ZNF549: variants seen among roughly 807,000 people sequenced by gnomAD.
ZNF549 encodes the protein zinc finger protein 549.
Under a neutral mutation model 11.1 loss-of-function variants are expected in ZNF549, and 11 were observed. That is an observed-to-expected ratio of 0.99 (90% CI 0.62 to 1.64). The LOEUF (loss-of-function observed/expected upper bound fraction) is 1.64, where lower values mean the gene tolerates loss of function less well. Ranked by LOEUF, ZNF549 falls within the 40% of genes most tolerant of loss-of-function variation. ZNF549 has a pLI of 0.00. For synonymous variants in ZNF549, 266 were observed against 269.1 expected (o/e 0.99, Z 0.11); for missense variants, 748 against 765.1 (o/e 0.98, Z 0.26).
At position 57,527,589 on chromosome 19, in the gene ZNF549, C is replaced by G; in HGVS notation, c.16C>G (p.Leu6Val). The G allele has an allele frequency of 6.2e-7, 1 of 1,613,810 alleles. No individual in the cohort carries two copies. Among genetic ancestry groups the G allele is most frequent in the South Asian group, 1.1e-5 (1 of 91,080 alleles). ...CTAAAGTCCCATGGCCGAGGCAGCGCTAGTGATTACGCCGCAGGTGAGAGC... is the reference window on the plus strand; with the variant it reads ...CTAAAGTCCCATGGCCGAGGCAGCGGTAGTGATTACGCCGCAGGTGAGAGC... The part of the protein sequence containing the change: MAEAA[L>V]VITPQIPMVT... Residue 6 changes from leucine (L) to valine (V), a missense_variant, in exon 1 of 4, where the codon CTA becomes GTA. Transcript: ENST00000376233.
rs376810192 is a variant in ZNF549 at position 57,529,901 on chromosome 19, AAAAT to A, written c.34-1145_34-1142del. On this transcript the variant is annotated intron_variant, in intron 1 of 3. Coordinates refer to ENST00000376233, the MANE Select transcript of ZNF549 (RefSeq NM_001199295.2). ...GCTCCGTCTCCAAAAATAAATAAAT[AAAAT>A]AAATAAATAAATAAATAAATAAAGG... Among the ~76,000 whole-genome samples, 654 of 151,914 alleles carry A rather than the reference AAAAT, an allele frequency of 4.3e-3. 5 individuals are homozygous for A. The highest frequency in any genetic ancestry group is 6.8e-3 in the Middle Eastern group (2 of 294).
At position 57,539,219 on chromosome 19, in the gene ZNF549, TATA is replaced by T. The variant is rs954376600; in HGVS notation, c.*297_*299del. The stretch of plus-strand genomic sequence containing the variant: ...GCTTACCAAATTCTGAAGGGAATAA[TATA>T]ATAAAAGCCTGTTGAGGGTCCTCTT... On this transcript the variant is annotated 3_prime_UTR_variant, in exon 4 of 4. Coordinates refer to ENST00000376233, the MANE Select transcript of ZNF549 (RefSeq NM_001199295.2). 3.2e-6 allele frequency: 1 copy of T among 309,416 alleles called. No homozygotes were observed. The highest frequency in any genetic ancestry group is 6.0e-6 in the Non-Finnish European group (1 of 166,292). The allele number at this position is 309,416 out of a possible 1,614,324, so 19.2% of individuals were successfully genotyped here.
Position 57,535,268 on chromosome 19 carries a change from TA to T in ZNF549, c.198del (p.Gly67ValfsTer6), listed in dbSNP as rs778310097. ...GAGAACTTTTCGCTTATGGCCTCAG[TA>T]GGTAAGATCTCTTAAAACCACACCA... Reference protein sequence around the residue: ...MLENFSLMASVGCLHGIEAEE... With the variant: ...MLENFSLMASXGCLHGIEAEE... On this transcript the variant is annotated frameshift_variant and splice_region_variant, in exon 3 of 4. Transcript: ENST00000376233. LOFTEE classifies it low-confidence loss of function (END_TRUNC). 8.1e-6 allele frequency: 13 copies of T among 1,613,728 alleles called. No homozygotes were observed. Among genetic ancestry groups the T allele is most frequent in the Non-Finnish European group, 1.1e-5 (13 of 1,179,702 alleles).
rs752950042 is a variant in ZNF549 at position 57,538,710 on chromosome 19, G to A, written c.1706G>A (p.Arg569His). Residue 569 changes from arginine to histidine, a missense_variant, in exon 4 of 4, where the codon CGC becomes CAC. By Grantham distance (29) the Arg-to-His change is conservative (BLOSUM62 0). Transcript: ENST00000376233. Reference protein sequence around the residue: ...CSECGKCFRHRTSLIQHQKVH... With the variant: ...CSECGKCFRHHTSLIQHQKVH... ...GAATGTGGGAAATGCTTTAGACACCGCACCAGCCTCATTCAACACCAGAAA... is the reference window on the plus strand; with the variant it reads ...GAATGTGGGAAATGCTTTAGACACCACACCAGCCTCATTCAACACCAGAAA... 41 of 1,613,984 alleles carry A rather than the reference G, an allele frequency of 2.5e-5. No individual in the cohort carries two copies. The highest frequency in any genetic ancestry group is 6.7e-5 in the East Asian group (3 of 44,880).
chr19:57,527,578 C>G lies in ZNF549; in HGVS notation c.5C>G (p.Ala2Gly). Residue 2 changes from alanine (A) to glycine (G), a missense_variant, in exon 1 of 4, where the codon GCC becomes GGC. Coordinates refer to ENST00000376233, the MANE Select transcript of ZNF549 (RefSeq NM_001199295.2). M[A>G]EAALVITPQI... ...CCCCGCCCCGCCTAAAGTCCCATGG[C>G]CGAGGCAGCGCTAGTGATTACGCCG... is the stretch of plus-strand genomic sequence containing the variant. 1 of 1,613,760 alleles carries G rather than the reference C, an allele frequency of 6.2e-7. No homozygotes were observed.
intron 1 of ZNF549, among the ~76,000 whole-genome samples, chr19:57,529,701 A>G (rs147537993): frequency 0.016 from 2,478 of 152,210 alleles, 74 homozygotes; most frequent in African/African-American, 0.056. Context: ...CCTGGCTAAC[A>G]TGGTGAAACC....
intron 1 of ZNF549, among the ~76,000 whole-genome samples, chr19:57,529,461 TAAAA>T (rs1036015023): frequency 6.6e-6 from 1 of 152,150 alleles, no homozygotes; most frequent in East Asian, 1.9e-4. Context: ...GTTGAGACAA[TAAAA>T]AAGCAAAAGT....
Position 57,537,287 on chromosome 19 carries a change from A to G in ZNF549, c.283A>G (p.Lys95Glu). The change falls in exon 4 of 4, where the codon AAG (lysine) becomes GAG (glutamate). Residue 95 changes from lysine (K) to glutamate (E), a missense_variant. Physicochemically the swap from Lys to Glu is moderately conservative, Grantham distance 56 (BLOSUM62 1). Transcript: ENST00000376233. ...AQGVSQARTP[K>E]LGPSIPNAHS... ...AGGAGTGTCACAGGCCAGGACTCCA[A>G]AGCTAGGTCCTTCCATCCCAAATGC... is the stretch of plus-strand genomic sequence containing the variant. The G allele has an allele frequency of 1.2e-6, 2 of 1,614,194 alleles. No homozygotes were observed. The highest frequency in any genetic ancestry group is 1.7e-6 in the Non-Finnish European group (2 of 1,180,032).
rs1468606852 is a variant in ZNF549 at position 57,539,597 on chromosome 19, A to G, written c.*670A>G. ...AGAGCAGAGCTGTGTGGTCCTAATC[A>G]TGGTGTCGATGCCAGATTTATTTGT... is the stretch of plus-strand genomic sequence containing the variant. On this transcript the variant is annotated 3_prime_UTR_variant, in exon 4 of 4. Coordinates refer to ENST00000376233, the MANE Select transcript of ZNF549 (RefSeq NM_001199295.2). 1 of 152,204 alleles carries G rather than the reference A, an allele frequency of 6.6e-6. No homozygotes were observed. The highest frequency in any genetic ancestry group is 1.5e-5 in the Non-Finnish European group (1 of 68,046). The allele number at this position is 152,204 out of a possible 1,614,324, so 9.4% of individuals were successfully genotyped here. A position where few individuals can be genotyped will look rare whatever the true frequency, so the allele number is the denominator to read the frequency against.
intron 3 of ZNF549, among the ~76,000 whole-genome samples, chr19:57,535,896 G>A (rs886645391): frequency 6.6e-6 from 1 of 152,090 alleles, no homozygotes; most frequent in Non-Finnish European, 1.5e-5. Context: ...CCACAGCAAG[G>A]GGGGTTAACA....
Position 57,537,704 on chromosome 19 carries a change from G to A in ZNF549, c.700G>A (p.Val234Ile), listed in dbSNP as rs533565199. Residue 234 changes from valine to isoleucine, a missense_variant, in exon 4 of 4, where the codon GTT (valine) becomes ATT (isoleucine). Physicochemically the swap from Val to Ile is conservative, Grantham distance 29. Coordinates refer to ENST00000376233, the MANE Select transcript of ZNF549 (RefSeq NM_001199295.2). ...CEQVFNEKVH[V>I]TEHQRVHTGE... ...GCAAGTTTTCAATGAGAAAGTTCAT[G>A]TTACTGAGCATCAGAGAGTCCACAC... 70 of 1,614,146 alleles carry A rather than the reference G, an allele frequency of 4.3e-5. No individual in the cohort carries two copies. The South Asian group carries it at 6.3e-4, about 14-fold the overall frequency.
At chr19:57,529,778 C>T (rs1037251480) in intron 1 of ZNF549, among the ~76,000 whole-genome samples, 1 of 151,962 alleles carries the variant, frequency 6.6e-6, no homozygotes, top group African/African-American at 2.4e-5. Context: ...CCCAGCTACT[C>T]CGGAGGCTGA....
At chr19:57,529,749 G>A (rs1442517212) in intron 1 of ZNF549, among the ~76,000 whole-genome samples, 1 of 152,094 alleles carries the variant, frequency 6.6e-6, no homozygotes, top group Non-Finnish European at 1.5e-5. Context: ...AGCCAGGTGT[G>A]GTAGTGGGCG....
chr19:57,532,765 T>C (rs1415311816), intron 2 of ZNF549, among the ~76,000 whole-genome samples: 2 of 152,188 alleles, frequency 1.3e-5, no homozygotes, highest in African/African-American at 4.8e-5. Flanking sequence ...ATGGTGTTGT[T>C]GAATTCAGTT....
Position 57,538,807 on chromosome 19 carries a change from T to C in ZNF549, c.1803T>C (p.Val601=), listed in dbSNP as rs1413928578. 4 of 1,614,046 alleles carry C rather than the reference T, an allele frequency of 2.5e-6. No homozygotes were observed. Among genetic ancestry groups the C allele is most frequent in the Admixed American group, 1.7e-5 (1 of 60,006 alleles). ...EKAFIYKNKL[V]EHQRIHTGEK... is the part of the protein sequence containing the mutation. Reference sequence around the variant, plus strand: ...CCTTTATCTATAAAAACAAACTTGTTGAGCATCAGCGAATCCACACCGGAG... The same window carrying C: ...CCTTTATCTATAAAAACAAACTTGTCGAGCATCAGCGAATCCACACCGGAG... The change falls in exon 4 of 4, where the codon GTT becomes GTC. Residue 601 remains valine, a synonymous_variant. Coordinates refer to ENST00000376233, the MANE Select transcript of ZNF549 (RefSeq NM_001199295.2).
chr19:57,538,501 G>T lies in ZNF549; in HGVS notation c.1497G>T (p.Arg499Ser). The T allele has an allele frequency of 6.2e-7, 1 of 1,614,172 alleles. No homozygotes were observed. ...LKHHKIHTRE[R>S]PYECSECGKG... ...ATCACAAAATCCACACTAGAGAAAGGCCTTATGAATGCAGTGAATGTGGAA... is the reference window on the plus strand; with the variant it reads ...ATCACAAAATCCACACTAGAGAAAGTCCTTATGAATGCAGTGAATGTGGAA... The change falls in exon 4 of 4, where the codon AGG becomes AGT. Residue 499 changes from arginine to serine, a missense_variant. Arg to Ser is a moderately radical substitution (Grantham distance 110). Coordinates refer to ENST00000376233, the MANE Select transcript of ZNF549 (RefSeq NM_001199295.2).
At chr19:57,531,929 A>T (rs1329001334) in intron 2 of ZNF549, among the ~76,000 whole-genome samples, 1 of 152,216 alleles carries the variant, frequency 6.6e-6, no homozygotes, top group Non-Finnish European at 1.5e-5. Flanking sequence ...ATGGAAAACA[A>T]AATTGTGGCT....
At chr19:57,527,939 C>T (rs1045226619) in intron 1 of ZNF549, among the ~76,000 whole-genome samples, 4 of 152,044 alleles carry the variant, frequency 2.6e-5, no homozygotes, top group Non-Finnish European at 5.9e-5. Context: ...TCTTTGGGAG[C>T]CATGGAGGGT....
intron 1 of ZNF549, 85 bp from the exon 2 acceptor site, chr19:57,530,985 A>T: frequency 7.7e-7 from 1 of 1,290,962 alleles, no homozygotes; most frequent in Non-Finnish European, 1.1e-6. Context: ...GTCTTTGTCT[A>T]GTGTCACACA....
Sources: gnomAD v4.1 joint callset for allele counts (sites outside exome capture counted in the v4.1 genomes callset) on GRCh38, gnomAD v4.1.1 for gene constraint, MANE v1.5 for transcripts, NCBI Gene and HGNC (gene_info 2026-07-23, HGNC 2026-07-21) for gene names.